Variants in RUNX1 observed in about 807,000 individuals in gnomAD.
The protein encoded by RUNX1 is runt-related transcription factor 1.
Under a neutral mutation model 42.8 loss-of-function variants are expected in RUNX1, and 19 were observed. The observed-to-expected ratio is 0.44, with a 90% CI of 0.31 to 0.65. The LOEUF is 0.65. RUNX1 is among the 30% of genes least tolerant of loss of function. The pLI, the probability that RUNX1 is intolerant of heterozygous loss-of-function variation, is 0.07. For missense variants in RUNX1, 528 were observed against 672.0 expected (o/e 0.79, Z 2.37); for synonymous variants, 271 against 289.4 (o/e 0.94, Z 0.64).
chr21:34,897,189 G>T (rs774532508), intron 2 of RUNX1, among the ~76,000 whole-genome samples: 1 of 152,160 alleles, frequency 6.6e-6, no homozygotes, highest in Non-Finnish European at 1.5e-5. Flanking sequence ...CTGTTGCCAA[G>T]ATCTCTTTTT....
At chr21:34,921,568 C>A (rs571164362) in intron 2 of RUNX1, among the ~76,000 whole-genome samples, 1 of 152,224 alleles carries the variant, frequency 6.6e-6, no homozygotes, top group African/African-American at 2.4e-5. Context: ...TTGGCTATTG[C>A]GACCCATGCT....
intron 7 of RUNX1, among the ~76,000 whole-genome samples, chr21:34,799,965 G>C (rs1200413177): frequency 6.6e-6 from 1 of 152,042 alleles, no homozygotes; most frequent in East Asian, 1.9e-4. Context: ...CCATGGGCTG[G>C]TAAATGTTTT....
chr21:34,920,944 T>G (rs1020910540), intron 2 of RUNX1, among the ~76,000 whole-genome samples: 1 of 152,206 alleles, frequency 6.6e-6, no homozygotes, highest in Non-Finnish European at 1.5e-5. Context: ...CTGCAACTTG[T>G]GCCTTCCGGG....
intron 2 of RUNX1, among the ~76,000 whole-genome samples, chr21:34,905,574 A>C (rs981926095): frequency 1.3e-5 from 2 of 152,246 alleles, no homozygotes; most frequent in African/African-American, 4.8e-5. Context: ...AAAGAGCAAG[A>C]GAAAAACTTC....
At chr21:34,807,115 A>G (rs1476357286) in intron 7 of RUNX1, among the ~76,000 whole-genome samples, 5 of 152,154 alleles carry the variant, frequency 3.3e-5, no homozygotes, top group African/African-American at 1.2e-4. Context: ...AAATTAGACT[A>G]GGAACCAGTG....
intron 2 of RUNX1, among the ~76,000 whole-genome samples, chr21:34,916,288 A>G (rs2058311565): frequency 6.6e-6 from 1 of 152,228 alleles, no homozygotes; most frequent in East Asian, 1.9e-4. Context: ...GATCATTAAT[A>G]TACTCTAAAG....
At chr21:34,796,034 C>A (rs1462129545) in intron 8 of RUNX1, among the ~76,000 whole-genome samples, 28 of 152,196 alleles carry the variant, frequency 1.8e-4, no homozygotes, top group Non-Finnish European at 1.5e-5. Context: ...ACATGCTCTG[C>A]CAGTAGGTTC....
chr21:34,938,609 C>T (rs2058503947), intron 2 of RUNX1, among the ~76,000 whole-genome samples: 1 of 151,918 alleles, frequency 6.6e-6, no homozygotes, highest in South Asian at 2.1e-4. Context: ...TAATGCTTTG[C>T]TATATGTGGA....
chr21:35,047,555 A>ACTCTCT (rs2059407503), intron 2 of RUNX1, among the ~76,000 whole-genome samples: 14 of 84,320 alleles, frequency 1.7e-4, no homozygotes, highest in Middle Eastern at 6.9e-3. Context: ...ACACACACAC[A>ACTCTCT]CACACACTCT....
At chr21:34,913,554 T>C (rs955605176) in intron 2 of RUNX1, among the ~76,000 whole-genome samples, 1 of 152,182 alleles carries the variant, frequency 6.6e-6, no homozygotes, top group Non-Finnish European at 1.5e-5. Context: ...TTCTCTTTAC[T>C]TTTTTGCCCC....
chr21:35,000,795 G>A (rs557307678), intron 2 of RUNX1, among the ~76,000 whole-genome samples: 1 of 152,106 alleles, frequency 6.6e-6, no homozygotes, highest in African/African-American at 2.4e-5. Flanking sequence ...TCTGAGTTCT[G>A]TTCCAGGGAA....
chr21:35,038,398 G>C, intron 2 of RUNX1: 1 of 384,234 alleles, frequency 2.6e-6, no homozygotes, highest in South Asian at 1.9e-5. Context: ...ACTTCAACAT[G>C]GACTGAAGCC....
intron 2 of RUNX1, among the ~76,000 whole-genome samples, chr21:34,995,936 G>C (rs1462068390): frequency 1.3e-5 from 2 of 151,854 alleles, no homozygotes; most frequent in Non-Finnish European, 2.9e-5. Flanking sequence ...TTTTATACTT[G>C]GCTTTTTGTA....
chr21:34,998,795 C>G (rs906132941), intron 2 of RUNX1, among the ~76,000 whole-genome samples: 2 of 152,192 alleles, frequency 1.3e-5, no homozygotes, highest in African/African-American at 2.4e-5. Flanking sequence ...CCCGCCTTGC[C>G]CTCCCAAAGT....
intron 5 of RUNX1, among the ~76,000 whole-genome samples, chr21:34,872,382 G>GCAGCCACTCCTC (rs1163773994): frequency 2.6e-5 from 4 of 152,296 alleles, no homozygotes; most frequent in Admixed American, 2.0e-4. Flanking sequence ...ACCCCCACCT[G>GCAGCCACTCCTC]CAGCCACTCC....
At chr21:34,933,194 G>A (rs1402758521) in intron 2 of RUNX1, among the ~76,000 whole-genome samples, 2 of 152,202 alleles carry the variant, frequency 1.3e-5, no homozygotes, top group African/African-American at 4.8e-5. Flanking sequence ...CATCTCGATG[G>A]TGGACTTGTT....
intron 3 of RUNX1, among the ~76,000 whole-genome samples, chr21:34,890,186 G>A (rs892174880): frequency 2.0e-5 from 3 of 151,716 alleles, no homozygotes; most frequent in African/African-American, 4.8e-5. Context: ...GTCGGGACGC[G>A]CCGCGGGCTC....
At chr21:34,865,279 C>CGTGTGTGTGTGT (rs61238560) in intron 5 of RUNX1, among the ~76,000 whole-genome samples, 32 of 132,472 alleles carry the variant, frequency 2.4e-4, no homozygotes, top group East Asian at 1.2e-3. Context: ...GGGTTTTGTG[C>CGTGTGTGTGTGT]GTGTGTGTGT....
At chr21:34,920,376 T>A (rs997320361) in intron 2 of RUNX1, among the ~76,000 whole-genome samples, 8 of 152,326 alleles carry the variant, frequency 5.3e-5, no homozygotes, top group Admixed American at 3.3e-4. Context: ...GAAGCAAGAA[T>A]GAAAATGCTT....
Sources: allele counts gnomAD v4.1 joint callset (sites outside exome capture counted in the v4.1 genomes callset), GRCh38; gene constraint gnomAD v4.1.1; transcripts MANE v1.5; gene names NCBI Gene and HGNC (gene_info 2026-07-23, HGNC 2026-07-21).